Variants in ELP4 observed in about 807,000 individuals in gnomAD.
ELP4 encodes the protein elongator complex protein 4.
A neutral mutation model predicts 48.9 loss-of-function variants in ELP4; 51 were observed. The observed-to-expected ratio is 1.04, with a 90% CI of 0.83 to 1.32. ELP4 has a LOEUF of 1.32. Among genes scored for constraint, ELP4 ranks in the 40% most tolerant of loss-of-function variants. The pLI is 0.00. For synonymous variants in ELP4, 210 were observed against 189.2 expected (o/e 1.11, Z -0.90); for missense variants, 519 against 514.6 (o/e 1.01, Z -0.08).
At chr11:31,594,421 A>T (rs1309958363) in intron 3 of ELP4, among the ~76,000 whole-genome samples, 1 of 152,154 alleles carries the variant, frequency 6.6e-6, no homozygotes, top group African/African-American at 2.4e-5. Context: ...CAACATAATA[A>T]TAATTATATG....
intron 3 of ELP4, among the ~76,000 whole-genome samples, chr11:31,577,100 G>T (rs1957297449): frequency 6.6e-6 from 1 of 152,020 alleles, no homozygotes; most frequent in South Asian, 2.1e-4. Flanking sequence ...AGATAAAGGG[G>T]ATATCACCAC....
At chr11:31,563,896 G>C (rs757684582) in intron 3 of ELP4, among the ~76,000 whole-genome samples, 1 of 152,146 alleles carries the variant, frequency 6.6e-6, no homozygotes, top group Non-Finnish European at 1.5e-5. Flanking sequence ...AGAAATCAAA[G>C]GCTGGGGATT....
intron 9 of ELP4, among the ~76,000 whole-genome samples, chr11:31,717,710 C>T (rs1026505635): frequency 6.6e-6 from 1 of 150,982 alleles, no homozygotes. Flanking sequence ...GCCGAGATTG[C>T]GCCACTGCAC....
rs541736416 is a variant in ELP4, at chr11:31,708,963, A to C, written c.1143+58742A>C. Among the ~76,000 whole-genome samples the C allele has an allele frequency of 1.4e-3, 210 of 152,292 alleles. 2 individuals carry two copies. The highest frequency in any genetic ancestry group is 4.9e-3 in the African/African-American group (203 of 41,578). ...TCTTTTATATGTAAGATTAAAATTT[A>C]GACTTTCATCAGCATTATCCTTTTG... On this transcript the variant is annotated intron_variant, in intron 9 of 9. Coordinates refer to ENST00000640961, the MANE Select transcript of ELP4 (RefSeq NM_019040.5).
At chr11:31,634,630 A>G (rs1944934192) in intron 7 of ELP4, among the ~76,000 whole-genome samples, 1 of 151,770 alleles carries the variant, frequency 6.6e-6, no homozygotes, top group Non-Finnish European at 1.5e-5. Flanking sequence ...CAGCCTATCT[A>G]GATAACTGAT....
At chr11:31,780,112 A>G (rs959909055) in intron 9 of ELP4, among the ~76,000 whole-genome samples, 1 of 152,202 alleles carries the variant, frequency 6.6e-6, no homozygotes, top group African/African-American at 2.4e-5. Flanking sequence ...AAAAGTTTAT[A>G]TACCCTACAG....
intron 6 of ELP4, chr11:31,628,503 G>C (rs2134039942): frequency 6.6e-6 from 1 of 151,500 alleles, no homozygotes; most frequent in Non-Finnish European, 1.5e-5. Context: ...AAGTAAGCTA[G>C]TATAGGAATA....
intron 9 of ELP4, among the ~76,000 whole-genome samples, chr11:31,710,975 G>A (rs994562621): frequency 2.0e-5 from 3 of 152,156 alleles, no homozygotes; most frequent in African/African-American, 7.2e-5. Context: ...AATTGTGACA[G>A]TCCAAATCAA....
At chr11:31,631,998 A>G (rs892224309) in intron 6 of ELP4, among the ~76,000 whole-genome samples, 8 of 151,914 alleles carry the variant, frequency 5.3e-5, no homozygotes, top group African/African-American at 1.2e-4. Context: ...GGCTTATGAT[A>G]CTCTTCAGAT....
At position 31,789,019 on chromosome 11, in the gene ELP4, A is replaced by C. The variant is rs1023395150; in HGVS notation, c.*5495A>C. The C allele has an allele frequency of 5.0e-6, 1 of 200,462 alleles. No homozygotes were observed. Among genetic ancestry groups the C allele is most frequent in the Non-Finnish European group, 1.0e-5 (1 of 96,934 alleles). 12.4% of individuals were successfully genotyped at this position (200,462 alleles called of 1,614,324 possible). A position where few individuals can be genotyped will look rare whatever the true frequency, so the allele number is the denominator to read the frequency against. On this transcript the variant is annotated 3_prime_UTR_variant, in exon 10 of 10. Transcript: ENST00000640961. ...ATGTAGTTGTGAACAACTTCAAAACACTTAAGTTTAAAACTCTTGCAAGCA... is the reference window on the plus strand; with the variant it reads ...ATGTAGTTGTGAACAACTTCAAAACCCTTAAGTTTAAAACTCTTGCAAGCA...
intron 7 of ELP4, among the ~76,000 whole-genome samples, chr11:31,641,442 T>A (rs1319605223): frequency 6.6e-6 from 1 of 151,900 alleles, no homozygotes; most frequent in Non-Finnish European, 1.5e-5. Context: ...ATATTTTATG[T>A]TTATGATGCA....
intron 3 of ELP4, among the ~76,000 whole-genome samples, chr11:31,549,836 A>G (rs1956809514): frequency 6.6e-6 from 1 of 152,260 alleles, no homozygotes; most frequent in Non-Finnish European, 1.5e-5. Flanking sequence ...TGTCCTTTGT[A>G]GGGACATGGA....
rs1171009926 is a variant in ELP4, at chr11:31,790,097, CAAAA to C, written c.*6593_*6596del. On this transcript the variant is annotated 3_prime_UTR_variant, in exon 10 of 10. Transcript: ENST00000640961. ...CATGGAATACAAATTTATAGGTTTA[CAAAA>C]AAAAAAAAAAAAAAAAAAACTAATA... 1,174 of 144,736 alleles carry C rather than the reference CAAAA, an allele frequency of 8.1e-3. No individual in the cohort carries two copies. The highest frequency in any genetic ancestry group is 0.022 in the Middle Eastern group (9 of 412). 9.0% of individuals were successfully genotyped at this position (144,736 alleles called of 1,614,324 possible). A position where few individuals can be genotyped will look rare whatever the true frequency, so the allele number is the denominator to read the frequency against.
At chr11:31,555,041 G>A (rs1034385927) in intron 3 of ELP4, among the ~76,000 whole-genome samples, 9 of 152,200 alleles carry the variant, frequency 5.9e-5, no homozygotes, top group Non-Finnish European at 1.0e-4. Flanking sequence ...GATGAGTACC[G>A]AAAGTAGTCA....
chr11:31,616,447 C>T (rs1041591997), intron 5 of ELP4, among the ~76,000 whole-genome samples: 1 of 151,990 alleles, frequency 6.6e-6, no homozygotes, highest in Non-Finnish European at 1.5e-5. Flanking sequence ...AAGACCTAAA[C>T]ATAAGATTCA....
chr11:31,664,674 ATTC>A (rs1945634365), intron 9 of ELP4, among the ~76,000 whole-genome samples: 1 of 152,148 alleles, frequency 6.6e-6, no homozygotes, highest in African/African-American at 2.4e-5. Context: ...ATAAAACTAA[ATTC>A]TTCTTCTAAA....
At chr11:31,774,138 G>A (rs1301343172) in intron 9 of ELP4, among the ~76,000 whole-genome samples, 6 of 152,200 alleles carry the variant, frequency 3.9e-5, no homozygotes, top group Non-Finnish European at 8.8e-5. Context: ...TTGTGCCACT[G>A]CACTCCAGCA....
intron 3 of ELP4, among the ~76,000 whole-genome samples, chr11:31,575,879 T>C (rs954015186): frequency 5.3e-5 from 8 of 152,114 alleles, no homozygotes; most frequent in African/African-American, 1.7e-4. Flanking sequence ...GAAACTGCAT[T>C]AACTAACGAG....
At chr11:31,780,166 G>A (rs1218769187) in intron 9 of ELP4, among the ~76,000 whole-genome samples, 1 of 152,144 alleles carries the variant, frequency 6.6e-6, no homozygotes, top group Non-Finnish European at 1.5e-5. Flanking sequence ...GCTATGCAGA[G>A]TATCTTGCAG....
Sources: gnomAD v4.1 joint callset for allele counts (sites outside exome capture counted in the v4.1 genomes callset) on GRCh38, gnomAD v4.1.1 for gene constraint, MANE v1.5 for transcripts, NCBI Gene and HGNC (gene_info 2026-07-23, HGNC 2026-07-21) for gene names.